ACTN4: variants seen among roughly 807,000 people sequenced by gnomAD.
The protein encoded by ACTN4 is actinin alpha 4, also known as alpha-actinin-4.
In ACTN4, 18 loss-of-function variants were observed where a neutral mutation model predicts 114.2. That is an observed-to-expected ratio of 0.16 (90% CI 0.11 to 0.23). The LOEUF (loss-of-function observed/expected upper bound fraction) is 0.23, where lower values mean the gene tolerates loss of function less well. Among genes scored for constraint, ACTN4 ranks in the 10% least tolerant of loss-of-function variants. The pLI is 1.00. For missense variants in ACTN4, 722 were observed against 1,262.9 expected, an observed-to-expected ratio of 0.57 and a Z score of 6.49; for synonymous variants, 515 against 506.3, an observed-to-expected ratio of 1.02 and a Z score of -0.23.
chr19:38,708,256 C>T (rs1043191921), intron 6 of ACTN4, 61 bp downstream of exon 6: 25 of 1,547,858 alleles, frequency 1.6e-5, no homozygotes, highest in Admixed American at 5.0e-5. Context: ...CCCCTAACTC[C>T]GGGTCACCAT....
At chr19:38,709,274 C>T (rs1227660444) in intron 6 of ACTN4, 121 bp from the exon 7 acceptor site, 1 of 787,796 alleles carries the variant, frequency 1.3e-6, no homozygotes, top group East Asian at 2.5e-5. Flanking sequence ...CTGAGAACTG[C>T]CTGAAGAAAC....
intron 1 of ACTN4, among the ~76,000 whole-genome samples, chr19:38,695,485 C>G (rs1199233022): frequency 1.3e-5 from 2 of 152,178 alleles, no homozygotes; most frequent in African/African-American, 4.8e-5. Context: ...GGCACCTCTG[C>G]CTTCCTCTTC....
intron 11 of ACTN4, among the ~76,000 whole-genome samples, chr19:38,718,959 G>A (rs1968940583): frequency 6.6e-6 from 1 of 152,168 alleles, no homozygotes; most frequent in Non-Finnish European, 1.5e-5. Flanking sequence ...CACTGCCTTC[G>A]GCCCACCCTT....
At chr19:38,666,933 T>TG (rs1033483742) in intron 1 of ACTN4, among the ~76,000 whole-genome samples, 5 of 152,022 alleles carry the variant, frequency 3.3e-5, no homozygotes, top group African/African-American at 9.6e-5. Context: ...CCTGAATGCT[T>TG]GGGGGAGGGG....
At position 38,673,631 on chromosome 19, in the gene ACTN4, A is replaced by ATATATTCATT. The variant is rs1967247297; in HGVS notation, c.162+25730_162+25731insCATTTATATT. Among the ~76,000 whole-genome samples the ATATATTCATT allele has an allele frequency of 3.1e-4, 15 of 48,182 alleles. 1 individual carries two copies. The highest frequency in any genetic ancestry group is 6.4e-4 in the African/African-American group (10 of 15,638). 31.6% of individuals were successfully genotyped at this position (48,182 alleles called of 152,430 possible). ...TTCATTTATATTTATATATATTCAT[A>ATATATTCATT]TATATTTATATATATTTATATATTT... On this transcript the variant is annotated intron_variant, in intron 1 of 20. Transcript: ENST00000252699.
At chr19:38,716,051 A>G (rs1968829418) in intron 9 of ACTN4, among the ~76,000 whole-genome samples, 1 of 152,020 alleles carries the variant, frequency 6.6e-6, no homozygotes, top group African/African-American at 2.4e-5. Context: ...ACAGGCGCGC[A>G]CCACCACGCC....
At position 38,708,122 on chromosome 19, in the gene ACTN4, A is replaced by G; in HGVS notation, c.578A>G (p.Lys193Arg). 6.2e-7 allele frequency: 1 copy of G among 1,614,202 alleles called. No homozygotes were observed. Among genetic ancestry groups the G allele is most frequent in the East Asian group, 2.2e-5 (1 of 44,882 alleles). ...VNVQNFHISW[K>R]DGLAFNALIH... The stretch of plus-strand genomic sequence containing the variant: ...CTTTGCCTTTCCTTCCCCAGCTGGA[A>G]GGATGGTCTTGCCTTCAATGCCCTG... Residue 193 changes from lysine to arginine, a missense_variant, in exon 6 of 21, where the codon AAG becomes AGG. By Grantham distance (26) the Lys-to-Arg change is conservative. This residue lies in a region of ACTN4 where 127 missense variants were observed against 311.3 expected (regional missense o/e 0.41). Transcript: ENST00000252699.
Position 38,718,164 on chromosome 19 carries a change from C to T in ACTN4, c.1291+90C>T, listed in dbSNP as rs1968910768. 67 of 1,545,418 alleles carry T rather than the reference C, an allele frequency of 4.3e-5. 1 individual carries two copies. In the South Asian group the frequency reaches 7.9e-4, roughly 18 times the overall value. ...CATGCATGGGTGTGCACACACAGCC[C>T]CCTGCCACGTTGGGTCTGTTTCTCA... On this transcript the variant is annotated intron_variant, in intron 11 of 20. Transcript: ENST00000252699.
rs1017071657 is a variant in ACTN4, at chr19:38,717,841, AC to A, written c.1144-84del. The A allele has an allele frequency of 6.5e-7, 1 of 1,533,496 alleles. No individual in the cohort carries two copies. The highest frequency in any genetic ancestry group is 1.2e-5 in the South Asian group (1 of 83,548). 95.0% of individuals were successfully genotyped at this position (1,533,496 alleles called of 1,614,324 possible). ...GACATGACCCCAGCCAAGTTCTGCC[AC>A]CTTCCCATCAGCATCCCTTGGAGAC... On this transcript the variant is annotated intron_variant, in intron 10 of 20. Transcript: ENST00000252699. This position sits in a 1 kb window ranked among gnomAD's most constrained non-coding sequence, Gnocchi z 4.0.
At chr19:38,663,036 A>C (rs994530003) in intron 1 of ACTN4, among the ~76,000 whole-genome samples, 1 of 151,904 alleles carries the variant, frequency 6.6e-6, no homozygotes, top group African/African-American at 2.4e-5. Flanking sequence ...CAGCCTCCCA[A>C]GTAGCTGGGA....
intron 9 of ACTN4, among the ~76,000 whole-genome samples, chr19:38,716,826 A>T (rs911530591): frequency 2.0e-5 from 3 of 152,236 alleles, no homozygotes. Context: ...CCTGTCTTTA[A>T]AAAGAAAAGC....
chr19:38,692,598 T>C (rs570670970), intron 1 of ACTN4, among the ~76,000 whole-genome samples: 1 of 152,248 alleles, frequency 6.6e-6, no homozygotes, highest in South Asian at 2.1e-4. Context: ...AAAGCGCCTT[T>C]ATAGTTGGTG....
chr19:38,704,203 C>G (rs758630736), intron 3 of ACTN4, among the ~76,000 whole-genome samples: 3 of 152,194 alleles, frequency 2.0e-5, no homozygotes, highest in South Asian at 2.1e-4. Flanking sequence ...CCCAGCTACT[C>G]GGGAGACTGA....
chr19:38,676,714 T>C (rs1292115440), intron 1 of ACTN4, among the ~76,000 whole-genome samples: 1 of 152,046 alleles, frequency 6.6e-6, no homozygotes, highest in East Asian at 1.9e-4. Context: ...AGCCCTGAGG[T>C]CCCACAGCTT....
In ACTN4 at chr19:38,647,686, C is replaced by T. The variant is rs2144805193; in HGVS notation, c.-60C>T. 2.7e-6 allele frequency: 4 copies of T among 1,499,720 alleles called. No homozygotes were observed. Among genetic ancestry groups the T allele is most frequent in the Admixed American group, 4.4e-5 (2 of 45,672 alleles). 92.9% of individuals were successfully genotyped at this position (1,499,720 alleles called of 1,614,324 possible). A position where few individuals can be genotyped will look rare whatever the true frequency, so the allele number is the denominator to read the frequency against. Reference sequence around the variant, plus strand: ...GCGGCGGTAGCGGCGGCGGCTCGGGCAGAGGGGCGGGAGCTGAGGCGGGAG... The same window carrying T: ...GCGGCGGTAGCGGCGGCGGCTCGGGTAGAGGGGCGGGAGCTGAGGCGGGAG... On this transcript the variant is annotated 5_prime_UTR_variant, in exon 1 of 21. Transcript: ENST00000252699.
chr19:38,731,223 C>T lies in ACTN4; in HGVS notation c.*1791C>T. On this transcript the variant is annotated 3_prime_UTR_variant, in exon 21 of 21. Transcript: ENST00000252699. ...GGTCAGCTGGTTGTTCAGGTGGAAG[C>T]CTAGGGGGAGGCTGCTTCTGAGCCC... 1 of 1,612,152 alleles carries T rather than the reference C, an allele frequency of 6.2e-7. No homozygotes were observed. Among genetic ancestry groups the T allele is most frequent in the East Asian group, 2.2e-5 (1 of 44,882 alleles).
chr19:38,689,174 AAAT>A (rs766991429), intron 1 of ACTN4, among the ~76,000 whole-genome samples: 25 of 152,372 alleles, frequency 1.6e-4, no homozygotes, highest in Middle Eastern at 3.4e-3. Flanking sequence ...GAAGCAACAC[AAAT>A]AATGCCCATC....
At chr19:38,682,619 C>T (rs1262482149) in intron 1 of ACTN4, among the ~76,000 whole-genome samples, 6 of 152,214 alleles carry the variant, frequency 3.9e-5, no homozygotes, top group East Asian at 1.9e-4. Flanking sequence ...AGTCCACACA[C>T]GGCCACTGGG....
rs768314562 is a variant in ACTN4, at chr19:38,724,205, G to A, written c.1741G>A (p.Asp581Asn). 16 of 1,613,836 alleles carry A rather than the reference G, an allele frequency of 9.9e-6. No homozygotes were observed. Among genetic ancestry groups the A allele is most frequent in the Middle Eastern group, 1.6e-4 (1 of 6,062 alleles). ...GTTCAAGTCCACCCTGCCGGACGCCGATAGGGAGCGCGAGGCCATCCTGGC... is the reference window on the plus strand; with the variant it reads ...GTTCAAGTCCACCCTGCCGGACGCCAATAGGGAGCGCGAGGCCATCCTGGC... ...DQFKSTLPDA[D>N]REREAILAIH... Residue 581 changes from aspartate to asparagine, a missense_variant, in exon 15 of 21, where the codon GAT becomes AAT. Asp to Asn is a conservative substitution (Grantham distance 23). This residue lies in a region of ACTN4 where 523 missense variants were observed against 875.9 expected (regional missense o/e 0.60). Transcript: ENST00000252699. The surrounding 1 kb of genome is among the most constrained non-coding windows in gnomAD (Gnocchi z 7.0).
Sources: allele counts gnomAD v4.1 joint callset (sites outside exome capture counted in the v4.1 genomes callset), GRCh38; gene constraint gnomAD v4.1.1; regional missense constraint gnomAD v4.1.1; non-coding constraint Gnocchi (gnomAD v3.1); transcripts MANE v1.5; gene names NCBI Gene and HGNC (gene_info 2026-07-23, HGNC 2026-07-21).